The following PARG variants were observed in gnomAD, a reference collection of about 807,000 sequenced individuals.
The protein encoded by PARG is mitochondrial poly(ADP-ribose) glycohydrolase.
In PARG, 35 loss-of-function variants were observed where a neutral mutation model predicts 113.0. The observed-to-expected ratio is 0.31, with a 90% CI of 0.24 to 0.41. PARG has a LOEUF of 0.41. Among genes scored for constraint, PARG ranks in the 10% least tolerant of loss-of-function variants. The pLI is 1.00. For synonymous variants in PARG, 330 were observed against 409.9 expected, an observed-to-expected ratio of 0.81 and a Z score of 2.36; for missense variants, 797 against 1,169.4, an observed-to-expected ratio of 0.68 and a Z score of 4.64.
At position 49,941,960 on chromosome 10, in the gene PARG, G is replaced by C. The variant is rs1190389696; in HGVS notation, c.-235C>G. ...CTGCCTCAATGCGCCGCTTTGATTC[G>C]GGATTCGTTCACTTTCCCACCACCG... On this transcript the variant is annotated 5_prime_UTR_variant, in exon 1 of 18. Coordinates refer to ENST00000616448, the MANE Select transcript of PARG (RefSeq NM_003631.5). 1 of 931,790 alleles carries C rather than the reference G, an allele frequency of 1.1e-6. No individual in the cohort carries two copies. Among genetic ancestry groups the C allele is most frequent in the African/African-American group, 1.6e-5 (1 of 61,288 alleles). 57.7% of individuals were successfully genotyped at this position (931,790 alleles called of 1,614,324 possible).
At chr10:49,876,747 C>T (rs1249170603) in intron 9 of PARG, among the ~76,000 whole-genome samples, 64 of 151,100 alleles carry the variant, frequency 4.2e-4, no homozygotes, top group African/African-American at 1.4e-3. Context: ...AAACTGGCTT[C>T]TCCTTTCTCT....
At chr10:49,904,675 G>A (rs1848493868) in intron 7 of PARG, among the ~76,000 whole-genome samples, 1 of 151,628 alleles carries the variant, frequency 6.6e-6, no homozygotes, top group African/African-American at 2.4e-5. Flanking sequence ...AGCACTTTGG[G>A]AGGCCCAACG....
At chr10:49,932,665 C>A (rs1301696643) in intron 3 of PARG, among the ~76,000 whole-genome samples, 1 of 151,834 alleles carries the variant, frequency 6.6e-6, no homozygotes, top group Non-Finnish European at 1.5e-5. Context: ...TATGGGGTAA[C>A]GGCAAAATAT....
intron 4 of PARG, among the ~76,000 whole-genome samples, chr10:49,926,817 A>G (rs1436071811): frequency 1.3e-5 from 2 of 152,170 alleles, no homozygotes; most frequent in Non-Finnish European, 2.9e-5. Flanking sequence ...CCTAGAATAT[A>G]TCTCTGCCTT....
intron 16 of PARG, among the ~76,000 whole-genome samples, chr10:49,829,329 C>T (rs1844539878): frequency 6.6e-6 from 1 of 152,036 alleles, no homozygotes; most frequent in Admixed American, 6.6e-5. Context: ...AACTTCAGGG[C>T]TCAAACATTC....
intron 7 of PARG, among the ~76,000 whole-genome samples, chr10:49,904,271 G>A (rs1554844266): frequency 1.3e-5 from 2 of 151,952 alleles, no homozygotes; most frequent in African/African-American, 4.8e-5. Context: ...GAATATCCAG[G>A]TGAATAAATC....
At chr10:49,891,590 C>CATATATATATATATATAT (rs1211471476) in intron 7 of PARG, among the ~76,000 whole-genome samples, 9 of 48,604 alleles carry the variant, frequency 1.9e-4, no homozygotes, top group African/African-American at 3.6e-4. Context: ...TCCTATGGTC[C>CATATATATATATATATAT]ATATATATAT....
intron 16 of PARG, among the ~76,000 whole-genome samples, chr10:49,832,080 G>A (rs1844697346): frequency 6.6e-6 from 1 of 152,224 alleles, no homozygotes; most frequent in Non-Finnish European, 1.5e-5. Context: ...CCTAAGTAAT[G>A]ATATAGTATT....
rs1340926277 is a variant in PARG at position 49,874,215 on chromosome 10, T to C, written c.1989-4660A>G. 1.8e-3 allele frequency among the ~76,000 whole-genome samples: 279 copies of C among 151,326 alleles called. 1 individual carries two copies. The highest frequency in any genetic ancestry group is 3.3e-3 in the Non-Finnish European group (227 of 67,876). On this transcript the variant is annotated intron_variant, in intron 9 of 17. Coordinates refer to ENST00000616448, the MANE Select transcript of PARG (RefSeq NM_003631.5). ...TAACAACAATTCCTAATCAATATTC[T>C]AATTCATATGGTTAATGTGACAAGT...
At position 49,820,379 on chromosome 10, in the gene PARG, T is replaced by C. The variant is rs1198864020; in HGVS notation, c.2648-86A>G. On this transcript the variant is annotated intron_variant, in intron 16 of 17. Coordinates refer to ENST00000616448, the MANE Select transcript of PARG (RefSeq NM_003631.5). ...TCTTTACCAGCTGGTGTGCCACAGC[T>C]TCATCCTAGATTAAAGATTTATAAA... 82 of 880,216 alleles carry C rather than the reference T, an allele frequency of 9.3e-5. No homozygotes were observed. The East Asian group carries it at 2.2e-3, about 23-fold the overall frequency. The allele number at this position is 880,216 out of a possible 1,614,324, so 54.5% of individuals were successfully genotyped here. A position where few individuals can be genotyped will look rare whatever the true frequency, so the allele number is the denominator to read the frequency against.
intron 4 of PARG, among the ~76,000 whole-genome samples, chr10:49,930,911 G>C (rs1444948575): frequency 8.1e-6 from 1 of 123,850 alleles, no homozygotes; most frequent in African/African-American, 3.2e-5. Flanking sequence ...TTATGGTGAT[G>C]GTCACATAGC....
intron 1 of PARG, among the ~76,000 whole-genome samples, chr10:49,941,175 G>A (rs1839035975): frequency 6.6e-6 from 1 of 152,142 alleles, no homozygotes; most frequent in South Asian, 2.1e-4. Flanking sequence ...CCTATCTAGA[G>A]GCTGAAGCGC....
Position 49,921,434 on chromosome 10 carries a change from A to T in PARG, c.1662+902T>A, listed in dbSNP as rs1450553624. ...CAGTCTGCTTTTCTTTTCTTTTTTTAAAAAAAGAGCCCATTAGAAGATTGA... is the reference window on the plus strand; with the variant it reads ...CAGTCTGCTTTTCTTTTCTTTTTTTTAAAAAAGAGCCCATTAGAAGATTGA... On this transcript the variant is annotated intron_variant, in intron 6 of 17. Transcript: ENST00000616448. Among the ~76,000 whole-genome samples, 7 of 152,030 alleles carry T rather than the reference A, an allele frequency of 4.6e-5. No individual in the cohort carries two copies. In the East Asian group the frequency reaches 7.7e-4, roughly 17 times the overall value.
intron 1 of PARG, among the ~76,000 whole-genome samples, chr10:49,938,845 A>G (rs1838878533): frequency 6.6e-6 from 1 of 152,174 alleles, no homozygotes; most frequent in Non-Finnish European, 1.5e-5. Flanking sequence ...TAAGATAATT[A>G]TATATAAAAA....
At chr10:49,905,300 A>C (rs1395832885) in intron 7 of PARG, among the ~76,000 whole-genome samples, 1 of 152,288 alleles carries the variant, frequency 6.6e-6, no homozygotes, top group Admixed American at 6.5e-5. Flanking sequence ...TAGAGTAATA[A>C]GGAAATATAT....
chr10:49,844,427 A>C (rs1554832968), intron 13 of PARG, among the ~76,000 whole-genome samples: 1 of 152,126 alleles, frequency 6.6e-6, no homozygotes, highest in Non-Finnish European at 1.5e-5. Context: ...GTTCGAGACC[A>C]GCTTGGCCAA....
At chr10:49,842,734 C>A (rs530294892) in intron 14 of PARG, among the ~76,000 whole-genome samples, 35 of 152,252 alleles carry the variant, frequency 2.3e-4, no homozygotes, top group Middle Eastern at 3.4e-3. Context: ...CTGTGCCAAG[C>A]AACTTTTCAA....
At position 49,819,222 on chromosome 10, in the gene PARG, A is replaced by G. The variant is rs902850356; in HGVS notation, c.*118T>C. On this transcript the variant is annotated 3_prime_UTR_variant, in exon 18 of 18. Transcript: ENST00000616448. ...TGTGGAAGAGATTGCGTCCTTGACT[A>G]CAAATGTGGATTATGTACACATTTA... The G allele has an allele frequency of 3.7e-6, 3 of 820,146 alleles. No homozygotes were observed. In the Admixed American group the frequency reaches 8.9e-5, roughly 24 times the overall value. The allele number at this position is 820,146 out of a possible 1,614,324, so 50.8% of individuals were successfully genotyped here.
intron 12 of PARG, among the ~76,000 whole-genome samples, chr10:49,858,396 A>T (rs1313564125): frequency 1.3e-4 from 19 of 148,738 alleles, no homozygotes; most frequent in African/African-American, 3.8e-4. Context: ...ATAGTCATAC[A>T]CACAAGTAAA....
Sources: allele counts gnomAD v4.1 joint callset (sites outside exome capture counted in the v4.1 genomes callset), GRCh38; gene constraint gnomAD v4.1.1; transcripts MANE v1.5; gene names NCBI Gene and HGNC (gene_info 2026-07-23, HGNC 2026-07-21).